Variants in ZNF48 observed in about 807,000 individuals in gnomAD.
The protein encoded by ZNF48 is zinc finger protein 553.
In ZNF48, 20 loss-of-function variants were observed where a neutral mutation model predicts 40.0. That is an observed-to-expected ratio of 0.50 (90% CI 0.35 to 0.73). ZNF48 has a LOEUF of 0.73. Among genes scored for constraint, ZNF48 ranks in the 30% least tolerant of loss-of-function variants. The probability of loss-of-function intolerance (pLI) is 0.01; values close to 1 mark genes in which losing one functional copy is unlikely to be tolerated. For synonymous variants in ZNF48, 298 were observed against 329.7 expected (o/e 0.90, Z 1.04); for missense variants, 726 against 851.9 (o/e 0.85, Z 1.84).
At chr16:30,390,787 A>ATTT (rs1009390473), upstream of ZNF48, among the ~76,000 whole-genome samples, 4 of 148,262 alleles carry the variant, frequency 2.7e-5, no homozygotes, top group Non-Finnish European at 6.0e-5. Context: ...CGCCTGGCTA[A>ATTT]TTTTTTTTTT....
At chr16:30,383,619 C>A (rs4072354) in intron 1 of ZNF48, among the ~76,000 whole-genome samples, 13,832 of 152,268 alleles carry the variant, frequency 0.091, 1,668 homozygotes, top group African/African-American at 0.27. Context: ...TTGGACACCA[C>A]TGCCCGAGAG....
At chr16:30,378,604 G>A in intron 1 of ZNF48, 1 of 1,611,460 alleles carries the variant, frequency 6.2e-7, no homozygotes. Context: ...CGAGGTGCGT[G>A]CTCACCTCTT....
chr16:30,394,959 C>A, upstream of ZNF48: 1 of 235,966 alleles, frequency 4.2e-6, no homozygotes. Context: ...ATTCCATACC[C>A]ACCCCCACCC....
chr16:30,384,916 C>T (rs2049888658), intron 1 of ZNF48, among the ~76,000 whole-genome samples: 1 of 151,984 alleles, frequency 6.6e-6, no homozygotes, highest in African/African-American at 2.4e-5. Context: ...GTGGCTCATG[C>T]CTGTAATCCC....
At chr16:30,379,338 G>T in intron 1 of ZNF48, 1 of 1,433,752 alleles carries the variant, frequency 7.0e-7, no homozygotes, top group Non-Finnish European at 9.7e-7. Context: ...GGATCCCCTG[G>T]GACCAAAGCC....
upstream of ZNF48, among the ~76,000 whole-genome samples, chr16:30,390,611 T>G (rs111434499): frequency 1.1e-3 from 59 of 52,518 alleles, no homozygotes; most frequent in African/African-American, 2.3e-3. Flanking sequence ...GTTTTTTTTT[T>G]TTTTTTTTTT....
intron 1 of ZNF48, chr16:30,378,584 C>A: frequency 6.2e-7 from 1 of 1,609,332 alleles, no homozygotes; most frequent in South Asian, 1.1e-5. Flanking sequence ...GGGCATCGGT[C>A]GGGGGGAAGC....
At chr16:30,393,058 G>A (rs1056441813), upstream of ZNF48, among the ~76,000 whole-genome samples, 5 of 152,034 alleles carry the variant, frequency 3.3e-5, no homozygotes, top group African/African-American at 9.6e-5. Flanking sequence ...CCACACTATC[G>A]TGAATTGGTC....
Position 30,397,326 on chromosome 16 carries a change from T to G in ZNF48, c.80-4T>G. On this transcript the variant is annotated splice_region_variant and splice_polypyrimidine_tract_variant and intron_variant, in intron 2 of 2. Coordinates refer to ENST00000613509, the MANE Select transcript of ZNF48 (RefSeq NM_001214909.2). The surrounding 1 kb of genome is among the most constrained non-coding windows in gnomAD (Gnocchi z 4.1). ...GGGTCTACAACTTCCTTTTCTTTCC[T>G]CAGGTCTAGGGAGTGAGAACGTGAT... The G allele has an allele frequency of 6.2e-7, 1 of 1,602,948 alleles. No individual in the cohort carries two copies. Among genetic ancestry groups the G allele is most frequent in the East Asian group, 2.2e-5 (1 of 44,852 alleles).
rs2049867730 is a variant in ZNF48 at position 30,382,666 on chromosome 16, A to C, written c.-16+4256A>C. 7 of 1,533,086 alleles carry C rather than the reference A, an allele frequency of 4.6e-6. No individual in the cohort carries two copies. The highest frequency in any genetic ancestry group is 6.1e-6 in the Non-Finnish European group (7 of 1,141,332). The allele number at this position is 1,533,086 out of a possible 1,614,324, so 95.0% of individuals were successfully genotyped here. ...CTGGCCCAGTCCCAGAGAGGTGGGG[A>C]AGGCCAAGGCCAAGAACACTTGGGG... is the stretch of plus-strand genomic sequence containing the variant. On this transcript the variant is annotated intron_variant, in intron 1 of 2. Coordinates refer to the ZNF48 transcript ENST00000528032. The surrounding 1 kb of genome is among the most constrained non-coding windows in gnomAD (Gnocchi z 4.8).
At position 30,379,144 on chromosome 16, in the gene ZNF48, C is replaced by T. The variant is rs778077160; in HGVS notation, c.-16+734C>T. On this transcript the variant is annotated intron_variant, in intron 1 of 2. Coordinates refer to the ZNF48 transcript ENST00000528032. Reference sequence around the variant, plus strand: ...CTGCAGGTGTGTCTGCACCAGCATCCGTCGCAGGTTCAGGAAATCGCAGTG... The same window carrying T: ...CTGCAGGTGTGTCTGCACCAGCATCTGTCGCAGGTTCAGGAAATCGCAGTG... The T allele has an allele frequency of 1.4e-4, 230 of 1,614,012 alleles. 3 individuals carry two copies. The South Asian group carries it at 2.4e-3, about 17-fold the overall frequency.
chr16:30,378,355 C>A, exon 1 of ZNF48: 1 of 1,355,118 alleles, frequency 7.4e-7, no homozygotes, highest in Non-Finnish European at 9.9e-7. Flanking sequence ...CCGGGGGGCG[C>A]TGGGCAGTGT....
At position 30,399,227 on chromosome 16, in the gene ZNF48, A is replaced by G; in HGVS notation, c.*120A>G. 1.0e-6 allele frequency: 1 copy of G among 956,054 alleles called. No individual in the cohort carries two copies. Among genetic ancestry groups the G allele is most frequent in the South Asian group, 1.8e-5 (1 of 56,608 alleles). 59.2% of individuals were successfully genotyped at this position (956,054 alleles called of 1,614,324 possible). A position where few individuals can be genotyped will look rare whatever the true frequency, so the allele number is the denominator to read the frequency against. ...AGGAAGGGAAGAAAGGGGAGGAAGA[A>G]TAGATAGAAATAGGGATTGGAGACA... On this transcript the variant is annotated 3_prime_UTR_variant, in exon 3 of 3. Transcript: ENST00000613509.
At chr16:30,378,509 C>T (rs1239351271) in intron 1 of ZNF48, 1 of 1,580,984 alleles carries the variant, frequency 6.3e-7, no homozygotes, top group Non-Finnish European at 8.6e-7. Context: ...GCATCTCTTG[C>T]ATGCGGCGCA....
intron 1 of ZNF48, among the ~76,000 whole-genome samples, chr16:30,387,838 C>T (rs2049913235): frequency 6.6e-6 from 1 of 151,950 alleles, no homozygotes. Context: ...CTTTCTATAA[C>T]CCAATTTTAG....
At chr16:30,390,787 A>AT (rs1009390473), upstream of ZNF48, among the ~76,000 whole-genome samples, 33 of 148,346 alleles carry the variant, frequency 2.2e-4, 1 homozygote, top group African/African-American at 3.0e-4. Flanking sequence ...CGCCTGGCTA[A>AT]TTTTTTTTTT....
At position 30,397,995 on chromosome 16, in the gene ZNF48, C is replaced by T. The variant is rs1376017518; in HGVS notation, c.745C>T (p.Arg249Ter). ...QRTHRGEQPP[R>*]PVVPRRQPSR... is the part of the protein sequence containing the mutation. ...GACACACCGGGGGGAGCAGCCCCCC[C>T]GACCAGTGGTGCCCCGACGGCAGCC... The change falls in exon 3 of 3, where the codon CGA (arginine) becomes TGA (stop). Residue 249 changes from arginine to a stop codon, truncating the protein, a stop_gained. Coordinates refer to ENST00000613509, the MANE Select transcript of ZNF48 (RefSeq NM_001214909.2). LOFTEE classifies it high-confidence loss of function. This position sits in a 1 kb window ranked among gnomAD's most constrained non-coding sequence, Gnocchi z 4.1. The T allele has an allele frequency of 1.9e-6, 3 of 1,613,566 alleles. No individual in the cohort carries two copies. The highest frequency in any genetic ancestry group is 2.5e-6 in the Non-Finnish European group (3 of 1,179,810).
chr16:30,378,720 G>A (rs372111888), intron 1 of ZNF48: 3 of 1,601,756 alleles, frequency 1.9e-6, no homozygotes, highest in Non-Finnish European at 2.5e-6. Context: ...AGTGGGAAGG[G>A]GACAGGAATC....
chr16:30,383,106 CAGA>C, intron 1 of ZNF48: 3 of 430,314 alleles, frequency 7.0e-6, no homozygotes, highest in Non-Finnish European at 1.3e-5. Flanking sequence ...TGCATGAGCC[CAGA>C]AGATCAAGAC....
Sources: gnomAD v4.1 joint callset for allele counts (sites outside exome capture counted in the v4.1 genomes callset) on GRCh38, gnomAD v4.1.1 for gene constraint, Gnocchi (gnomAD v3.1) non-coding constraint, MANE v1.5 for transcripts, NCBI Gene and HGNC (gene_info 2026-07-23, HGNC 2026-07-21) for gene names.